MMD2: variants seen among roughly 807,000 people sequenced by gnomAD.
MMD2 encodes the protein monocyte to macrophage differentiation factor 2.
In MMD2, 30 loss-of-function variants were observed where a neutral mutation model predicts 33.5. The ratio of observed to expected loss-of-function variants is 0.90; its 90% CI spans 0.67 to 1.22. The LOEUF (loss-of-function observed/expected upper bound fraction) is 1.22. MMD2 is among the 50% of genes most tolerant of loss of function. The probability of loss-of-function intolerance (pLI) is 0.00; values close to 1 mark genes in which losing one functional copy is unlikely to be tolerated. For synonymous variants in MMD2, 129 were observed against 123.0 expected (o/e 1.05, Z -0.32); for missense variants, 364 against 325.4 (o/e 1.12, Z -0.91).
At chr7:4,943,004 C>CT (rs33983457) in intron 1 of MMD2, among the ~76,000 whole-genome samples, 1,339 of 85,656 alleles carry the variant, frequency 0.016, 56 homozygotes, top group African/African-American at 0.041. Flanking sequence ...CTGCCCTTTT[C>CT]TTTTTTTTTT....
downstream of MMD2, among the ~76,000 whole-genome samples, chr7:4,905,042 G>C (rs943475908): frequency 6.6e-6 from 1 of 152,116 alleles, no homozygotes; most frequent in Non-Finnish European, 1.5e-5. This position sits in a 1 kb window ranked among gnomAD's most constrained non-coding sequence, Gnocchi z 5.0. Flanking sequence ...CCCACCAGTG[G>C]GACCAGCACC....
At chr7:4,921,591 A>G (rs541820860) in intron 2 of MMD2, among the ~76,000 whole-genome samples, 21 of 149,166 alleles carry the variant, frequency 1.4e-4, no homozygotes, top group African/African-American at 4.5e-4. Context: ...ACTGCACTCC[A>G]GCCTGGGCGA....
chr7:4,917,685 T>A (rs1785176140), intron 3 of MMD2, among the ~76,000 whole-genome samples: 1 of 150,318 alleles, frequency 6.7e-6, no homozygotes, highest in Non-Finnish European at 1.5e-5. Flanking sequence ...AGAGTGAAAC[T>A]CTGTCTCAAA....
rs762627969 is a variant in MMD2, at chr7:4,925,431, C to T, written c.129+20G>A. On this transcript the variant is annotated intron_variant, in intron 2 of 6. Transcript: ENST00000401401. Reference sequence around the variant, plus strand: ...GAAGTGTCCCCATCTCAGCCCTGAGCCCCCCAAAAGCCAACTCACAGCATG... The same window carrying T: ...GAAGTGTCCCCATCTCAGCCCTGAGTCCCCCAAAAGCCAACTCACAGCATG... 2.0e-6 allele frequency: 3 copies of T among 1,518,386 alleles called. No individual in the cohort carries two copies. The highest frequency in any genetic ancestry group is 2.7e-6 in the Non-Finnish European group (3 of 1,128,486). The allele number at this position is 1,518,386 out of a possible 1,614,324, so 94.1% of individuals were successfully genotyped here.
In MMD2 at chr7:4,918,613, A is replaced by G. The variant is rs536999385; in HGVS notation, c.290+1558T>C. 5.9e-5 allele frequency among the ~76,000 whole-genome samples: 9 copies of G among 151,342 alleles called. No homozygotes were observed. In the South Asian group the frequency reaches 1.7e-3, roughly 28 times the overall value. ...ATTCTCGTGCCTCAGCCCCCTGAGT[A>G]GCTGGGATTACAGGTGTGTGCCAGC... On this transcript the variant is annotated intron_variant, in intron 3 of 6. Transcript: ENST00000401401.
At chr7:4,910,591 CT>C (rs776358906) in intron 5 of MMD2, among the ~76,000 whole-genome samples, 16 of 152,172 alleles carry the variant, frequency 1.1e-4, no homozygotes, top group African/African-American at 2.2e-4. Flanking sequence ...GCCTCCCCCC[CT>C]AACCCCGGCC....
At chr7:4,949,411 A>T (rs547264996) in intron 1 of MMD2, among the ~76,000 whole-genome samples, 1 of 151,974 alleles carries the variant, frequency 6.6e-6, no homozygotes, top group East Asian at 1.9e-4. Flanking sequence ...TTTTGATCCC[A>T]CAAATAAGTG....
Position 4,958,970 on chromosome 7 carries a change from C to T in MMD2, c.47+1G>A. ...CGCGGACCTCCGCGGCCGCCGCTCA[C>T]CTCGCGTATTTCGTCTTCTGGAAAT... On this transcript the variant is annotated splice_donor_variant, in intron 1 of 6. Transcript: ENST00000401401. LOFTEE classifies it high-confidence loss of function. 3.1e-6 allele frequency: 4 copies of T among 1,289,494 alleles called. No individual in the cohort carries two copies. Among genetic ancestry groups the T allele is most frequent in the Non-Finnish European group, 4.0e-6 (4 of 1,012,134 alleles). 79.9% of individuals were successfully genotyped at this position (1,289,494 alleles called of 1,614,324 possible). A position where few individuals can be genotyped will look rare whatever the true frequency, so the allele number is the denominator to read the frequency against.
In MMD2 at chr7:4,907,367, C is replaced by T; in HGVS notation, c.*29G>A. On this transcript the variant is annotated 3_prime_UTR_variant, in exon 7 of 7. Transcript: ENST00000401401. ...ACAGAAACGTGCTCCACTCCTAAAG[C>T]CCAAACGACCTCTCAAGTCTGGGTC... The T allele has an allele frequency of 6.2e-7, 1 of 1,611,320 alleles. No individual in the cohort carries two copies. Among genetic ancestry groups the T allele is most frequent in the East Asian group, 2.2e-5 (1 of 44,854 alleles).
intron 1 of MMD2, among the ~76,000 whole-genome samples, chr7:4,944,208 G>C (rs530263811): frequency 2.6e-5 from 4 of 151,588 alleles, no homozygotes; most frequent in Non-Finnish European, 4.4e-5. Flanking sequence ...CCAGGAGTTC[G>C]AGGCTGCAGT....
chr7:4,901,819 T>G (rs758866573), downstream of MMD2, among the ~76,000 whole-genome samples: 9 of 152,254 alleles, frequency 5.9e-5, no homozygotes, highest in Non-Finnish European at 1.3e-4. Context: ...TTGTAGCATT[T>G]GCGACGACCA....
chr7:4,915,638 G>T (rs1190340159), intron 4 of MMD2, among the ~76,000 whole-genome samples: 1 of 151,912 alleles, frequency 6.6e-6, no homozygotes, highest in South Asian at 2.1e-4. Context: ...TACTCGGGAG[G>T]CAGAGGCAGG....
chr7:4,955,294 A>G (rs1786353054), intron 1 of MMD2, among the ~76,000 whole-genome samples: 1 of 152,222 alleles, frequency 6.6e-6, no homozygotes. Flanking sequence ...GATGTAGAAA[A>G]GCCATTCCAG....
intron 1 of MMD2, among the ~76,000 whole-genome samples, chr7:4,955,626 A>C (rs563397197): frequency 1.1e-4 from 16 of 152,226 alleles, no homozygotes; most frequent in African/African-American, 1.9e-4. Flanking sequence ...TTGTATACTG[A>C]TATAATAATG....
intron 1 of MMD2, among the ~76,000 whole-genome samples, chr7:4,958,440 G>A (rs1786448323): frequency 6.6e-6 from 1 of 152,058 alleles, no homozygotes. Flanking sequence ...AAAAGACCAG[G>A]ATGTACAGGT....
At chr7:4,913,952 C>T (rs1443269262) in intron 4 of MMD2, among the ~76,000 whole-genome samples, 2 of 151,868 alleles carry the variant, frequency 1.3e-5, no homozygotes, top group African/African-American at 2.4e-5. Context: ...TTAGCCACTG[C>T]GCCTGGCAGG....
At chr7:4,945,199 T>TCTTCTTCTTCTTCTTCTTCTC (rs1786030694) in intron 1 of MMD2, among the ~76,000 whole-genome samples, 1 of 137,458 alleles carries the variant, frequency 7.3e-6, no homozygotes, top group African/African-American at 2.8e-5. Flanking sequence ...TTCTTCTTCT[T>TCTTCTTCTTCTTCTTCTTCTC]CTTCTTCTTC....
In MMD2 at chr7:4,946,116, C is replaced by T. The variant is rs980649321; in HGVS notation, c.47+12855G>A. 5.9e-5 allele frequency among the ~76,000 whole-genome samples: 9 copies of T among 151,690 alleles called. No homozygotes were observed. The highest frequency in any genetic ancestry group is 7.4e-5 in the Non-Finnish European group (5 of 67,810). On this transcript the variant is annotated intron_variant, in intron 1 of 6. Coordinates refer to ENST00000401401, the MANE Select transcript of MMD2 (RefSeq NM_198403.4). The surrounding 1 kb of genome is among the most constrained non-coding windows in gnomAD (Gnocchi z 5.0). ...ACACACACGCATGCACACGCGCACA[C>T]GCACGCACACACCTGCACACGCACG...
chr7:4,958,432 A>G (rs1462139883), intron 1 of MMD2, among the ~76,000 whole-genome samples: 1 of 152,068 alleles, frequency 6.6e-6, no homozygotes, highest in African/African-American at 2.4e-5. Context: ...ACACTATGAA[A>G]AGACCAGGAT....
Sources: gnomAD v4.1 joint callset for allele counts (sites outside exome capture counted in the v4.1 genomes callset) on GRCh38, gnomAD v4.1.1 for gene constraint, Gnocchi (gnomAD v3.1) non-coding constraint, MANE v1.5 for transcripts, NCBI Gene and HGNC (gene_info 2026-07-23, HGNC 2026-07-21) for gene names.